Variants in HPRT1 observed in about 807,000 individuals in gnomAD.
HPRT1 encodes hypoxanthine-guanine phosphoribosyltransferase.
HPRT1 carries 4 observed loss-of-function variants against 19.0 expected under a neutral mutation model. The ratio of observed to expected loss-of-function variants is 0.21; its 90% CI spans 0.10 to 0.48. The LOEUF is 0.48. Among genes scored for constraint, HPRT1 ranks in the 20% least tolerant of loss-of-function variants. The pLI, the probability that HPRT1 is intolerant of heterozygous loss-of-function variation, is 0.98. For synonymous variants in HPRT1, 53 were observed against 54.9 expected (o/e 0.97, Z 0.15); for missense variants, 65 against 164.0 (o/e 0.40, Z 3.30).
Position 134,460,217 on chromosome X carries a change from C to A in HPRT1, c.-95C>A. On this transcript the variant is annotated 5_prime_UTR_variant, in exon 1 of 9. Transcript: ENST00000298556. Reference sequence around the variant, plus strand: ...AGGCGAACCTCTCGGCTTTCCCGCGCGGCGCCGCCTCTTGCTGCGCCTCCG... The same window carrying A: ...AGGCGAACCTCTCGGCTTTCCCGCGAGGCGCCGCCTCTTGCTGCGCCTCCG... 1.0e-6 allele frequency: 1 copy of A among 965,469 alleles called. No homozygotes were observed. The highest frequency in any genetic ancestry group is 2.9e-5 in the Admixed American group (1 of 35,029). The allele number at this position is 965,469 out of a possible 1,213,427, so 79.6% of individuals were successfully genotyped here. A position where few individuals can be genotyped will look rare whatever the true frequency, so the allele number is the denominator to read the frequency against.
chrX:134,481,479 C>A (rs1344179647), intron 3 of HPRT1, among the ~76,000 whole-genome samples: 1 of 107,733 alleles, frequency 9.3e-6, no homozygotes, highest in Non-Finnish European at 1.9e-5. Context: ...CTGTCTCCAT[C>A]TTTGTCTCTA....
At chrX:134,481,505 C>CTCTATCTA (rs35832135) in intron 3 of HPRT1, among the ~76,000 whole-genome samples, 5,036 of 96,120 alleles carry the variant, frequency 0.052, 140 homozygotes, top group African/African-American at 0.072. Flanking sequence ...ATCTGTCTAT[C>CTCTATCTA]TCTATCTATC....
At chrX:134,475,461 T>G in intron 3 of HPRT1, 97 bp downstream of exon 3, 1 of 551,638 alleles carries the variant, frequency 1.8e-6, no homozygotes, top group Middle Eastern at 4.2e-4. Context: ...TTCATTTCAC[T>G]TGGTTACAGT....
At chrX:134,492,504 C>T (rs1216708344) in intron 5 of HPRT1, 1 of 330,522 alleles carries the variant, frequency 3.0e-6, no homozygotes, top group Admixed American at 3.1e-5. Context: ...TTCAAAGTTC[C>T]TTCAGGTTGT....
chrX:134,497,390 G>A (rs886544819), intron 6 of HPRT1, among the ~76,000 whole-genome samples: 14 of 111,587 alleles, frequency 1.3e-4, no homozygotes, highest in African/African-American at 4.6e-4. Context: ...CCAGCACTTT[G>A]GGAGGCCGAG....
intron 3 of HPRT1, among the ~76,000 whole-genome samples, chrX:134,486,251 T>C (rs1002516715): frequency 9.0e-6 from 1 of 111,119 alleles, no homozygotes; most frequent in Non-Finnish European, 1.9e-5. Context: ...TTTACTAATC[T>C]CTACTTGAAA....
chrX:134,494,405 T>C (rs1324146925), intron 6 of HPRT1, among the ~76,000 whole-genome samples: 4 of 112,560 alleles, frequency 3.6e-5, no homozygotes, highest in Admixed American at 9.5e-5. Context: ...TTCTGCTTTT[T>C]CCTAAGTGAT....
At chrX:134,474,635 A>G (rs1310285180) in intron 2 of HPRT1, among the ~76,000 whole-genome samples, 2 of 110,316 alleles carry the variant, frequency 1.8e-5, no homozygotes, top group Non-Finnish European at 3.8e-5. Context: ...CAGCCTCCCA[A>G]AGTGCTGGGA....
At chrX:134,476,433 A>G (rs185217499) in intron 3 of HPRT1, among the ~76,000 whole-genome samples, 1 of 112,407 alleles carries the variant, frequency 8.9e-6, no homozygotes, top group East Asian at 2.8e-4. Context: ...ACTTGTTTAA[A>G]CACAAAATTT....
chrX:134,478,975 G>A (rs2077632424), intron 3 of HPRT1, among the ~76,000 whole-genome samples: 1 of 112,122 alleles, frequency 8.9e-6, no homozygotes, highest in Non-Finnish European at 1.9e-5. Context: ...AATAAAATGT[G>A]AATGTGCATC....
intron 1 of HPRT1, among the ~76,000 whole-genome samples, chrX:134,463,942 T>G (rs2077590505): frequency 8.9e-6 from 1 of 112,268 alleles, no homozygotes; most frequent in African/African-American, 3.2e-5. Context: ...ACTAGTTCGA[T>G]CACATACTTC....
chrX:134,496,094 C>A (rs988746195), intron 6 of HPRT1, among the ~76,000 whole-genome samples: 1 of 112,166 alleles, frequency 8.9e-6, no homozygotes, highest in African/African-American at 3.2e-5. Flanking sequence ...GTTTTCAGGT[C>A]TCTTGAGTAT....
chrX:134,475,133 G>C (rs780871539), intron 2 of HPRT1, 48 bp from the exon 3 acceptor site: 4 of 1,018,452 alleles, frequency 3.9e-6, no homozygotes, highest in East Asian at 6.1e-5. Context: ...TTGTTATAAA[G>C]TTTAATGTAT....
At chrX:134,474,078 G>A (rs868247938) in intron 2 of HPRT1, among the ~76,000 whole-genome samples, 9 of 111,447 alleles carry the variant, frequency 8.1e-5, no homozygotes, top group African/African-American at 2.0e-4. Flanking sequence ...ATATTTTAAC[G>A]TATGAGTATA....
intron 3 of HPRT1, among the ~76,000 whole-genome samples, chrX:134,481,549 A>ATCTG (rs2077640597): frequency 9.2e-6 from 1 of 108,803 alleles, no homozygotes; most frequent in African/African-American, 3.4e-5. Flanking sequence ...CTATCTATCT[A>ATCTG]TCTATCTATC....
chrX:134,495,406 A>G (rs888227707), intron 6 of HPRT1, among the ~76,000 whole-genome samples: 12 of 111,380 alleles, frequency 1.1e-4, no homozygotes, highest in African/African-American at 3.6e-4. Context: ...AAGGGGAATG[A>G]TTATTAACAT....
intron 6 of HPRT1, among the ~76,000 whole-genome samples, chrX:134,497,233 G>T (rs991122000): frequency 2.7e-5 from 3 of 111,710 alleles, no homozygotes; most frequent in African/African-American, 9.8e-5. Context: ...GAAGGCTGAG[G>T]GGGGAGGATC....
chrX:134,476,139 A>G (rs1437412723), intron 3 of HPRT1, among the ~76,000 whole-genome samples: 1 of 111,972 alleles, frequency 8.9e-6, no homozygotes, highest in Non-Finnish European at 1.9e-5. Context: ...AGTCCTGTCC[A>G]TCTTTGTAGA....
chrX:134,483,642 A>G (rs982377871), intron 3 of HPRT1, among the ~76,000 whole-genome samples: 1 of 110,776 alleles, frequency 9.0e-6, no homozygotes, highest in African/African-American at 3.3e-5. Context: ...ATAATTAAAG[A>G]TGAGGGAGGC....
Sources: allele counts gnomAD v4.1 joint callset (sites outside exome capture counted in the v4.1 genomes callset), GRCh38; gene constraint gnomAD v4.1.1; transcripts MANE v1.5; gene names NCBI Gene and HGNC (gene_info 2026-07-23, HGNC 2026-07-21).